KCNG2: variants seen among roughly 807,000 people sequenced by gnomAD.
KCNG2 encodes the protein voltage-gated potassium channel regulatory subunit KCNG2.
Under a neutral mutation model 12.3 loss-of-function variants are expected in KCNG2, and 7 were observed. That is an observed-to-expected ratio of 0.57 (90% CI 0.32 to 1.07). The LOEUF (loss-of-function observed/expected upper bound fraction) is 1.07, where lower values mean the gene tolerates loss of function less well. Ranked by LOEUF, KCNG2 falls within the 50% of genes least tolerant of loss-of-function variation. The probability of loss-of-function intolerance (pLI) is 0.04; values close to 1 mark genes in which losing one functional copy is unlikely to be tolerated. For synonymous variants in KCNG2, 414 were observed against 351.4 expected (o/e 1.18, Z -1.99); for missense variants, 703 against 726.0 (o/e 0.97, Z 0.36).
At chr18:79,896,304 T>G (rs1442390942) in intron 3 of KCNG2, among the ~76,000 whole-genome samples, 8 of 152,218 alleles carry the variant, frequency 5.3e-5, no homozygotes, top group Non-Finnish European at 1.0e-4. Context: ...TTTTTAGTTC[T>G]TTCTTTTAGT....
chr18:79,887,965 A>G (rs1300782330), intron 3 of KCNG2, among the ~76,000 whole-genome samples: 1 of 152,206 alleles, frequency 6.6e-6, no homozygotes, highest in Non-Finnish European at 1.5e-5. Flanking sequence ...TCTCGGGCTC[A>G]CAGGGTAATA....
At chr18:79,888,688 C>T (rs1463050829) in intron 3 of KCNG2, among the ~76,000 whole-genome samples, 1 of 152,122 alleles carries the variant, frequency 6.6e-6, no homozygotes. Context: ...CCTCTTCAGA[C>T]CTTTTGCCCA....
intron 3 of KCNG2, among the ~76,000 whole-genome samples, chr18:79,873,649 C>T (rs955154362): frequency 6.6e-6 from 1 of 152,114 alleles, no homozygotes; most frequent in Non-Finnish European, 1.5e-5. Context: ...TCCTGGGAGC[C>T]GGCACACCCC....
chr18:79,866,403 TGAGGTCTGGGTGCTGA>T (rs1979551106), intron 3 of KCNG2, among the ~76,000 whole-genome samples: 1 of 112,784 alleles, frequency 8.9e-6, no homozygotes, highest in Non-Finnish European at 1.9e-5. Flanking sequence ...GTCTGGGTGC[TGAGGTCTGGGTGCTGA>T]GAGGTCTGGG....
intron 2 of KCNG2, among the ~76,000 whole-genome samples, chr18:79,858,873 G>C (rs112879594): frequency 6.6e-6 from 1 of 152,052 alleles, no homozygotes; most frequent in Non-Finnish European, 1.5e-5. Flanking sequence ...ATACTTCCTC[G>C]GGAGAAATAT....
In KCNG2 at chr18:79,872,280, GTTTT is replaced by G. The variant is rs1162742507; in HGVS notation, c.624+8009_624+8012del. Among the ~76,000 whole-genome samples the G allele has an allele frequency of 2.2e-4, 16 of 73,414 alleles. No homozygotes were observed. The Admixed American group carries it at 2.8e-3, about 13-fold the overall frequency. The allele number at this position is 73,414 out of a possible 152,430, so 48.2% of individuals were successfully genotyped here. A position where few individuals can be genotyped will look rare whatever the true frequency, so the allele number is the denominator to read the frequency against. On this transcript the variant is annotated intron_variant, in intron 3 of 3. Transcript: ENST00000316249. ...CTGATATAAAAGCTTCAAAGCTTCA[GTTTT>G]TTTTTTTTTTTTTTTTTTTGAGATG...
chr18:79,867,790 C>A (rs770979726), intron 3 of KCNG2, among the ~76,000 whole-genome samples: 112 of 152,244 alleles, frequency 7.4e-4, no homozygotes, highest in Non-Finnish European at 1.1e-3. Context: ...CACCCCTCCC[C>A]TCGGCACCGG....
In KCNG2 at chr18:79,863,934, G is replaced by A. The variant is rs541632817; in HGVS notation, c.267G>A (p.Lys89=). The A allele has an allele frequency of 7.8e-5, 105 of 1,354,200 alleles. 2 individuals are homozygous for A. In the South Asian group the frequency reaches 1.3e-3, roughly 17 times the overall value. 83.9% of individuals were successfully genotyped at this position (1,354,200 alleles called of 1,614,324 possible). ...RAIVALLRAG[K]LRLLRGPCAL... ...TCGTGGCGCTTTTGCGCGCAGGGAA[G>A]CTGCGACTGCTGCGGGGCCCGTGCG... is the stretch of plus-strand genomic sequence containing the variant. Residue 89 remains lysine, a synonymous_variant, in exon 3 of 4, where the codon AAG becomes AAA. Coordinates refer to ENST00000316249, the MANE Select transcript of KCNG2 (RefSeq NM_012283.2).
At chr18:79,844,976 C>T (rs1978575436) in intron 1 of KCNG2, among the ~76,000 whole-genome samples, 2 of 152,214 alleles carry the variant, frequency 1.3e-5, no homozygotes, top group Non-Finnish European at 2.9e-5. Context: ...TGTGGAAATG[C>T]TTATACCACT....
chr18:79,809,428 G>A (rs1216556430), intron 1 of KCNG2, among the ~76,000 whole-genome samples: 22 of 146,888 alleles, frequency 1.5e-4, no homozygotes, highest in African/African-American at 4.8e-4. Flanking sequence ...TCCACGTTAC[G>A]GTCCCAGAGT....
chr18:79,856,677 A>C (rs2123056096), intron 2 of KCNG2, among the ~76,000 whole-genome samples: 1 of 152,246 alleles, frequency 6.6e-6, no homozygotes, highest in Middle Eastern at 3.4e-3. Flanking sequence ...TGCAGAGGAC[A>C]GGGGAGCTCA....
chr18:79,841,190 G>C (rs1438093681), intron 1 of KCNG2, among the ~76,000 whole-genome samples: 1 of 152,166 alleles, frequency 6.6e-6, no homozygotes, highest in Non-Finnish European at 1.5e-5. Flanking sequence ...AAGATTGCTT[G>C]AGCCTGGGAG....
chr18:79,878,660 A>G (rs1000804097), intron 3 of KCNG2, among the ~76,000 whole-genome samples: 14 of 152,236 alleles, frequency 9.2e-5, no homozygotes, highest in African/African-American at 3.4e-4. Context: ...TAATAAAAAT[A>G]ATACTTAGAC....
At position 79,814,975 on chromosome 18, in the gene KCNG2, A is replaced by G. The variant is rs529090036; in HGVS notation, c.-115+16961A>G. On this transcript the variant is annotated intron_variant, in intron 1 of 3. Coordinates refer to ENST00000316249, the MANE Select transcript of KCNG2 (RefSeq NM_012283.2). ...GTAGTGTAATTTCAAATATAAACAGATTAGGGTCAGGAAGTCTTCCCAGAG... is the reference window on the plus strand; with the variant it reads ...GTAGTGTAATTTCAAATATAAACAGGTTAGGGTCAGGAAGTCTTCCCAGAG... Among the ~76,000 whole-genome samples the G allele has an allele frequency of 2.6e-4, 40 of 151,782 alleles. No homozygotes were observed. In the South Asian group the frequency reaches 8.1e-3, roughly 31 times the overall value.
chr18:79,817,192 A>G (rs945476098), intron 1 of KCNG2, among the ~76,000 whole-genome samples: 1 of 146,834 alleles, frequency 6.8e-6, no homozygotes, highest in Non-Finnish European at 1.5e-5. Context: ...CCACTCACAC[A>G]TCTGTCACAT....
At chr18:79,804,058 C>T (rs1437735015) in intron 1 of KCNG2, among the ~76,000 whole-genome samples, 2 of 152,202 alleles carry the variant, frequency 1.3e-5, no homozygotes. Context: ...TGCCTCCAGA[C>T]CTGGGAGCAC....
chr18:79,852,350 T>C (rs1315947468), intron 1 of KCNG2, among the ~76,000 whole-genome samples: 1 of 152,236 alleles, frequency 6.6e-6, no homozygotes, highest in Non-Finnish European at 1.5e-5. Flanking sequence ...TTCAACCCCA[T>C]GAGGAACATT....
intron 1 of KCNG2, among the ~76,000 whole-genome samples, chr18:79,833,625 T>C (rs1568250495): frequency 6.6e-6 from 1 of 152,224 alleles, no homozygotes; most frequent in Non-Finnish European, 1.5e-5. Context: ...GCTATGACAG[T>C]TTCAAAGAAC....
At position 79,803,765 on chromosome 18, in the gene KCNG2, G is replaced by A. The variant is rs1443205893; in HGVS notation, c.-115+5751G>A. Among the ~76,000 whole-genome samples the A allele has an allele frequency of 1.3e-5, 2 of 152,194 alleles. No individual in the cohort carries two copies. The highest frequency in any genetic ancestry group is 2.4e-5 in the African/African-American group (1 of 41,458). On this transcript the variant is annotated intron_variant, in intron 1 of 3. Coordinates refer to ENST00000316249, the MANE Select transcript of KCNG2 (RefSeq NM_012283.2). This position sits in a 1 kb window ranked among gnomAD's most constrained non-coding sequence, Gnocchi z 4.5. The stretch of plus-strand genomic sequence containing the variant: ...GCCCTCCTGCGTCTCCCGACCACAG[G>A]CCCCAGTCCCGGCCAAGGTTCCAGG...
Sources: allele counts gnomAD v4.1 joint callset (sites outside exome capture counted in the v4.1 genomes callset), GRCh38; gene constraint gnomAD v4.1.1; non-coding constraint Gnocchi (gnomAD v3.1); transcripts MANE v1.5; gene names NCBI Gene and HGNC (gene_info 2026-07-23, HGNC 2026-07-21).